ZMYM1: variants seen among roughly 807,000 people sequenced by gnomAD.
The protein encoded by ZMYM1 is zinc finger MYM-type protein 1.
In ZMYM1, 39 loss-of-function variants were observed where a neutral mutation model predicts 60.0. That is an observed-to-expected ratio of 0.65 (90% CI 0.50 to 0.85). The LOEUF is 0.85. Ranked by LOEUF, ZMYM1 falls within the 40% of genes least tolerant of loss-of-function variation. The pLI, the probability that ZMYM1 is intolerant of heterozygous loss-of-function variation, is 0.00. For missense variants in ZMYM1, 1,171 were observed against 1,309.5 expected, an observed-to-expected ratio of 0.89 and a Z score of 1.63; for synonymous variants, 413 against 454.0, an observed-to-expected ratio of 0.91 and a Z score of 1.15.
chr1:35,071,770 T>G (rs1290147734), intron 1 of ZMYM1, among the ~76,000 whole-genome samples: 1 of 152,238 alleles, frequency 6.6e-6, no homozygotes, highest in Non-Finnish European at 1.5e-5. Flanking sequence ...AGTTTGGAAG[T>G]ATTCCTTTCT....
chr1:35,117,101 G>C (rs1475985198), downstream of ZMYM1, among the ~76,000 whole-genome samples: 3 of 149,068 alleles, frequency 2.0e-5, no homozygotes, highest in Non-Finnish European at 4.5e-5. Flanking sequence ...AAAGTGCTGG[G>C]ATTACAGGCG....
Position 35,113,855 on chromosome 1 carries a change from T to G in ZMYM1, c.2025T>G (p.Ile675Met). ...YPQKSSKAIL[I>M]KERFLGFVDT... ...AAAAATCATCAAAGGCTATCTTAAT[T>G]AAGGAAAGATTCTTGGGTTTTGTTG... Residue 675 changes from isoleucine (I) to methionine (M), a missense_variant, in exon 10 of 10, where the codon ATT becomes ATG. Physicochemically the swap from Ile to Met is conservative, Grantham distance 10. Coordinates refer to ENST00000359858, the MANE Select transcript of ZMYM1 (RefSeq NM_024772.5). 1 of 1,613,746 alleles carries G rather than the reference T, an allele frequency of 6.2e-7. No individual in the cohort carries two copies. Among genetic ancestry groups the G allele is most frequent in the Non-Finnish European group, 8.5e-7 (1 of 1,179,830 alleles).
At chr1:35,073,417 G>T (rs1642109446) in intron 1 of ZMYM1, among the ~76,000 whole-genome samples, 1 of 149,232 alleles carries the variant, frequency 6.7e-6, no homozygotes, top group African/African-American at 2.5e-5. Context: ...TTCTTTTTTA[G>T]CCAGGTATGT....
chr1:35,092,424 A>G (rs978860231), intron 1 of ZMYM1, among the ~76,000 whole-genome samples: 2 of 148,644 alleles, frequency 1.3e-5, no homozygotes, highest in African/African-American at 5.0e-5. Flanking sequence ...TATTTTTAGT[A>G]GAGACGGGGT....
intron 1 of ZMYM1, among the ~76,000 whole-genome samples, chr1:35,072,845 G>T (rs1642091018): frequency 1.3e-5 from 2 of 152,184 alleles, no homozygotes; most frequent in Non-Finnish European, 2.9e-5. Flanking sequence ...ACTTTGGGAG[G>T]CCAAGACAGG....
chr1:35,092,775 A>G (rs529067282), intron 1 of ZMYM1, among the ~76,000 whole-genome samples: 4 of 151,888 alleles, frequency 2.6e-5, no homozygotes, highest in Admixed American at 2.0e-4. Flanking sequence ...TTACCAGCGC[A>G]TGCCACCAAG....
chr1:35,097,153 A>G (rs1010130169), intron 3 of ZMYM1, among the ~76,000 whole-genome samples, 164 bp from the exon 4 acceptor site: 4 of 152,170 alleles, frequency 2.6e-5, no homozygotes, highest in African/African-American at 4.8e-5. Flanking sequence ...ACAGGGTGTC[A>G]AGGCTGCAGT....
intron 4 of ZMYM1, among the ~76,000 whole-genome samples, chr1:35,103,801 C>T (rs1284644120): frequency 6.6e-6 from 1 of 152,054 alleles, no homozygotes; most frequent in Admixed American, 6.6e-5. Context: ...TTGGGGACTC[C>T]CCCAGGGATT....
upstream of ZMYM1, among the ~76,000 whole-genome samples, chr1:35,076,142 C>T (rs1642161850): frequency 6.6e-6 from 1 of 152,186 alleles, no homozygotes; most frequent in Admixed American, 6.6e-5. Context: ...CTTAAGTTCC[C>T]ATATACACAT....
intron 4 of ZMYM1, among the ~76,000 whole-genome samples, chr1:35,100,640 G>A (rs1054390251): frequency 6.6e-6 from 1 of 151,246 alleles, no homozygotes; most frequent in African/African-American, 2.4e-5. Flanking sequence ...AAAAAAAGAT[G>A]TGACTTGTTC....
intron 7 of ZMYM1, among the ~76,000 whole-genome samples, chr1:35,111,014 A>G (rs1326236322): frequency 6.6e-6 from 1 of 152,154 alleles, no homozygotes; most frequent in African/African-American, 2.4e-5. Flanking sequence ...TGTTTACATC[A>G]ATATATATTG....
Position 35,110,354 on chromosome 1 carries a change from A to AT in ZMYM1, c.870dup (p.Glu291Ter). 6.3e-7 allele frequency: 1 copy of AT among 1,595,328 alleles called. No homozygotes were observed. The highest frequency in any genetic ancestry group is 8.5e-7 in the Non-Finnish European group (1 of 1,172,224). On this transcript the variant is annotated frameshift_variant, in exon 7 of 10. Coordinates refer to ENST00000359858, the MANE Select transcript of ZMYM1 (RefSeq NM_024772.5). LOFTEE classifies it high-confidence loss of function. ...ACCATTGAAGCCCTCAGATGAAATG[A>AT]TTGAGACTACGAGTGATTTGGGGAA...
upstream of ZMYM1, among the ~76,000 whole-genome samples, chr1:35,076,882 C>A (rs1642176348): frequency 6.6e-6 from 1 of 150,858 alleles, no homozygotes; most frequent in African/African-American, 2.4e-5. Context: ...CAGTGAGCCA[C>A]CAAGATCACG....
chr1:35,101,563 G>T (rs1056941478), intron 4 of ZMYM1, among the ~76,000 whole-genome samples: 1 of 150,346 alleles, frequency 6.7e-6, no homozygotes. Flanking sequence ...TCTTTATTCT[G>T]TCTGAAAGGT....
At chr1:35,112,544 A>G (rs1644125518) in intron 9 of ZMYM1, among the ~76,000 whole-genome samples, 1 of 108,730 alleles carries the variant, frequency 9.2e-6, no homozygotes. Flanking sequence ...TAATATAAAT[A>G]TATTATAATA....
chr1:35,061,471 G>C (rs1472210377), intron 1 of ZMYM1, among the ~76,000 whole-genome samples: 1 of 152,148 alleles, frequency 6.6e-6, no homozygotes, highest in Non-Finnish European at 1.5e-5. Context: ...TAGATACATA[G>C]ATAGATAGAA....
intron 1 of ZMYM1, among the ~76,000 whole-genome samples, chr1:35,073,377 AG>A (rs1472707571): frequency 2.4e-5 from 2 of 82,088 alleles, no homozygotes; most frequent in African/African-American, 9.1e-5. Context: ...AAGGAAGGAA[AG>A]AAAGGAAAGA....
chr1:35,066,514 AAATGGCATTCAC>A (rs1641974622), intron 1 of ZMYM1, among the ~76,000 whole-genome samples: 1 of 152,184 alleles, frequency 6.6e-6, no homozygotes, highest in African/African-American at 2.4e-5. Context: ...AAAAATTTTT[AAATGGCATTCAC>A]AATAGCTCAA....
At chr1:35,099,951 T>G (rs1424607706) in intron 4 of ZMYM1, among the ~76,000 whole-genome samples, 1 of 152,140 alleles carries the variant, frequency 6.6e-6, no homozygotes. Context: ...AGTGCAATGG[T>G]GCAATCTTGG....
Sources: gnomAD v4.1 joint callset for allele counts (sites outside exome capture counted in the v4.1 genomes callset) on GRCh38, gnomAD v4.1.1 for gene constraint, MANE v1.5 for transcripts, NCBI Gene and HGNC (gene_info 2026-07-23, HGNC 2026-07-21) for gene names.